The following FBXL20 variants were observed in gnomAD, a reference collection of about 807,000 sequenced individuals.
FBXL20 encodes F-box and leucine rich repeat protein 20, also known as F-box/LRR-repeat protein 20.
FBXL20 carries 11 observed loss-of-function variants against 64.0 expected under a neutral mutation model. That is an observed-to-expected ratio of 0.17 (90% CI 0.11 to 0.28). The LOEUF (loss-of-function observed/expected upper bound fraction) is 0.28, where lower values mean the gene tolerates loss of function less well. Ranked by LOEUF, FBXL20 falls within the 10% of genes least tolerant of loss-of-function variation. The pLI is 1.00. For missense variants in FBXL20, 303 were observed against 526.2 expected (o/e 0.58, Z 4.15); for synonymous variants, 184 against 189.0 (o/e 0.97, Z 0.22).
chr17:39,361,132 T>C (rs1055395801), intron 1 of FBXL20, among the ~76,000 whole-genome samples: 1 of 152,070 alleles, frequency 6.6e-6, no homozygotes, highest in African/African-American at 2.4e-5. Flanking sequence ...GACAGCAAAG[T>C]CACCTGAGTG....
chr17:39,294,799 G>T (rs1463263543), intron 6 of FBXL20, among the ~76,000 whole-genome samples: 1 of 152,022 alleles, frequency 6.6e-6, no homozygotes, highest in Non-Finnish European at 1.5e-5. Context: ...ATCACCTGAG[G>T]TCAGGAGATC....
chr17:39,260,492 T>C lies in FBXL20; in HGVS notation c.*968A>G, dbSNP rs1490922996. On this transcript the variant is annotated 3_prime_UTR_variant, in exon 15 of 15. Coordinates refer to ENST00000264658, the MANE Select transcript of FBXL20 (RefSeq NM_032875.3). ...AAAATAGAAACCAAAAGGTAGCATC[T>C]GTTTTCATCAAAACAGTTTCTTCTC... The C allele has an allele frequency of 6.6e-6, 1 of 152,302 alleles. No homozygotes were observed. Among genetic ancestry groups the C allele is most frequent in the Non-Finnish European group, 1.5e-5 (1 of 68,040 alleles). The allele number at this position is 152,302 out of a possible 1,614,324, so 9.4% of individuals were successfully genotyped here.
chr17:39,323,162 G>A (rs2047374743), intron 2 of FBXL20, among the ~76,000 whole-genome samples: 1 of 151,976 alleles, frequency 6.6e-6, no homozygotes, highest in African/African-American at 2.4e-5. Context: ...GTAGAGATGG[G>A]GTTTTACCAT....
rs747185376 is a variant in FBXL20, at chr17:39,282,955, T to G, written c.495-100A>C. Reference sequence around the variant, plus strand: ...CTATTTAGTAAAGGAATGGAAACATTCCCATTTTTTCCCACAAGAAAAAAC... The same window carrying G: ...CTATTTAGTAAAGGAATGGAAACATGCCCATTTTTTCCCACAAGAAAAAAC... On this transcript the variant is annotated intron_variant, in intron 7 of 14. Coordinates refer to ENST00000264658, the MANE Select transcript of FBXL20 (RefSeq NM_032875.3). The G allele has an allele frequency of 2.5e-5, 34 of 1,344,524 alleles. No homozygotes were observed. In the East Asian group the frequency reaches 7.4e-4, roughly 29 times the overall value. The allele number at this position is 1,344,524 out of a possible 1,614,324, so 83.3% of individuals were successfully genotyped here.
At chr17:39,262,966 C>CT (rs2046760360) in intron 14 of FBXL20, among the ~76,000 whole-genome samples, 1 of 151,528 alleles carries the variant, frequency 6.6e-6, no homozygotes, top group East Asian at 2.0e-4. Context: ...CATGCCACTG[C>CT]GCTCCAGCCT....
intron 4 of FBXL20, among the ~76,000 whole-genome samples, chr17:39,299,640 G>A (rs2047117104): frequency 6.6e-6 from 1 of 152,118 alleles, no homozygotes; most frequent in Admixed American, 6.6e-5. Flanking sequence ...AACTAGCCGG[G>A]CGTGATGGTG....
At chr17:39,297,911 A>G (rs2047101081) in intron 5 of FBXL20, among the ~76,000 whole-genome samples, 1 of 151,846 alleles carries the variant, frequency 6.6e-6, no homozygotes, top group Non-Finnish European at 1.5e-5. Context: ...AAGTTTTTGT[A>G]TTTTTAGTAG....
At chr17:39,378,937 A>G (rs1037440383) in intron 1 of FBXL20, among the ~76,000 whole-genome samples, 5 of 149,704 alleles carry the variant, frequency 3.3e-5, no homozygotes, top group Admixed American at 6.6e-5. Context: ...TTTTAAAAAA[A>G]CGAAAATAGG....
At chr17:39,380,958 G>C (rs776177061) in intron 1 of FBXL20, among the ~76,000 whole-genome samples, 1 of 152,048 alleles carries the variant, frequency 6.6e-6, no homozygotes, top group African/African-American at 2.4e-5. Context: ...TCAGGAGTTC[G>C]AGAGCAGCCT....
chr17:39,347,332 TC>T (rs948932714), intron 1 of FBXL20, among the ~76,000 whole-genome samples: 73 of 152,220 alleles, frequency 4.8e-4, no homozygotes, highest in African/African-American at 1.7e-3. Context: ...TTTCTATTTC[TC>T]CACACTCTCC....
chr17:39,336,877 C>T, intron 2 of FBXL20, among the ~76,000 whole-genome samples: 1 of 151,586 alleles, frequency 6.6e-6, no homozygotes, highest in East Asian at 1.9e-4. Context: ...AGACAGAAAC[C>T]ACCATAGTAG....
At chr17:39,384,294 G>A (rs911461747) in intron 1 of FBXL20, among the ~76,000 whole-genome samples, 2 of 152,052 alleles carry the variant, frequency 1.3e-5, no homozygotes, top group African/African-American at 2.4e-5. Flanking sequence ...TTAGGTGGCC[G>A]AGGTGGGCAG....
At chr17:39,401,925 G>A (rs1050406713), upstream of FBXL20, 14 of 423,886 alleles carry the variant, frequency 3.3e-5, no homozygotes, top group Non-Finnish European at 4.7e-5. Flanking sequence ...GGGTCTGTGG[G>A]GCGGATGCGA....
chr17:39,343,720 G>C (rs914470576), intron 1 of FBXL20, among the ~76,000 whole-genome samples: 2 of 147,284 alleles, frequency 1.4e-5, no homozygotes, highest in Non-Finnish European at 3.0e-5. Context: ...TTTTGAGACA[G>C]AGTCTTGCTC....
chr17:39,381,479 C>CA (rs35767863), intron 1 of FBXL20, among the ~76,000 whole-genome samples: 16,972 of 67,342 alleles, frequency 0.25, 1,834 homozygotes, highest in East Asian at 0.32. Flanking sequence ...GACTCTGTCT[C>CA]AAAAAAAAAA....
intron 1 of FBXL20, among the ~76,000 whole-genome samples, chr17:39,350,098 C>T (rs984332370): frequency 3.9e-5 from 6 of 152,170 alleles, no homozygotes; most frequent in African/African-American, 1.4e-4. Flanking sequence ...TTAAATGCCA[C>T]ATCTCACCTA....
chr17:39,318,659 G>C (rs2047320080), intron 2 of FBXL20, among the ~76,000 whole-genome samples: 1 of 152,122 alleles, frequency 6.6e-6, no homozygotes, highest in East Asian at 1.9e-4. Flanking sequence ...AGAATCGCTT[G>C]AACCAGGGAG....
chr17:39,326,137 G>C (rs1370761971), intron 2 of FBXL20, among the ~76,000 whole-genome samples: 2 of 151,884 alleles, frequency 1.3e-5, no homozygotes, highest in East Asian at 1.9e-4. Flanking sequence ...GCCATGATTA[G>C]AGACTTCCTA....
At chr17:39,382,054 C>T (rs1020973506) in intron 1 of FBXL20, among the ~76,000 whole-genome samples, 1 of 141,248 alleles carries the variant, frequency 7.1e-6, no homozygotes, top group African/African-American at 2.7e-5. Flanking sequence ...GATCAGGCCA[C>T]TGCACTCCAG....
Sources: allele counts gnomAD v4.1 joint callset (sites outside exome capture counted in the v4.1 genomes callset), GRCh38; gene constraint gnomAD v4.1.1; transcripts MANE v1.5; gene names NCBI Gene and HGNC (gene_info 2026-07-23, HGNC 2026-07-21).